Variants in ARHGAP42 observed in about 807,000 individuals in gnomAD.
ARHGAP42 encodes the protein rho GTPase-activating protein 42.
Under a neutral mutation model 125.0 loss-of-function variants are expected in ARHGAP42, and 63 were observed. The observed-to-expected ratio is 0.50, with a 90% CI of 0.41 to 0.62. ARHGAP42 has a LOEUF of 0.62. Among genes scored for constraint, ARHGAP42 ranks in the 20% least tolerant of loss-of-function variants. The pLI is 0.00. For missense variants in ARHGAP42, 766 were observed against 1,024.2 expected, an observed-to-expected ratio of 0.75 and a Z score of 3.44; for synonymous variants, 339 against 351.0, an observed-to-expected ratio of 0.97 and a Z score of 0.38.
rs17096007 is a variant in ARHGAP42, at chr11:100,972,673, A to G, written c.1551-502A>G. 7.9e-3 allele frequency among the ~76,000 whole-genome samples: 1,197 copies of G among 152,270 alleles called. 21 individuals are homozygous for G. The highest frequency in any genetic ancestry group is 0.027 in the African/African-American group (1,121 of 41,544). Reference sequence around the variant, plus strand: ...CCACCTCTGTCCTGAATTTGTTGTGACCTCAAAATACACGTTTCTTTAGGA... The same window carrying G: ...CCACCTCTGTCCTGAATTTGTTGTGGCCTCAAAATACACGTTTCTTTAGGA... On this transcript the variant is annotated intron_variant, in intron 17 of 23. Coordinates refer to ENST00000298815, the MANE Select transcript of ARHGAP42 (RefSeq NM_152432.4).
intron 17 of ARHGAP42, 124 bp downstream of exon 17, chr11:100,965,900 T>TA (rs770806607): frequency 2.4e-6 from 2 of 832,142 alleles, no homozygotes; most frequent in Non-Finnish European, 3.7e-6. Flanking sequence ...TGAATTTGCT[T>TA]AAAAAATAGT....
intron 12 of ARHGAP42, among the ~76,000 whole-genome samples, chr11:100,952,079 AT>A (rs1857668812): frequency 6.6e-6 from 1 of 152,154 alleles, no homozygotes; most frequent in Admixed American, 6.6e-5. Flanking sequence ...CTTAAGCTTT[AT>A]TTTTAAGTTT....
chr11:100,716,925 A>G (rs1223222810), intron 1 of ARHGAP42, among the ~76,000 whole-genome samples: 1 of 152,196 alleles, frequency 6.6e-6, no homozygotes, highest in Non-Finnish European at 1.5e-5. Context: ...AAGGAGGGCC[A>G]GAGAGGAAAA....
chr11:100,947,635 G>T (rs1384598450), intron 10 of ARHGAP42, among the ~76,000 whole-genome samples: 1 of 151,834 alleles, frequency 6.6e-6, no homozygotes, highest in African/African-American at 2.4e-5. Context: ...TCCAACATCA[G>T]ATTATCTTGA....
chr11:100,925,604 G>C (rs184766161), intron 6 of ARHGAP42, among the ~76,000 whole-genome samples: 4 of 151,322 alleles, frequency 2.6e-5, no homozygotes, highest in African/African-American at 9.8e-5. Context: ...CAGGCGTGGT[G>C]GTGGGTGCCT....
chr11:100,862,043 G>A (rs1034031926), intron 4 of ARHGAP42, among the ~76,000 whole-genome samples: 2 of 152,094 alleles, frequency 1.3e-5, no homozygotes, highest in African/African-American at 2.4e-5. Flanking sequence ...ACAAGAACAT[G>A]GTATCCTAGC....
intron 4 of ARHGAP42, among the ~76,000 whole-genome samples, chr11:100,873,886 A>C (rs964709287): frequency 6.6e-6 from 1 of 152,204 alleles, no homozygotes; most frequent in South Asian, 2.1e-4. Context: ...TATATTCATG[A>C]GGGCAGTCCA....
At chr11:100,701,665 C>T (rs965428472) in intron 1 of ARHGAP42, among the ~76,000 whole-genome samples, 2 of 152,200 alleles carry the variant, frequency 1.3e-5, no homozygotes, top group Admixed American at 1.3e-4. Context: ...TTATAGAAAT[C>T]ATAGAATTGA....
At chr11:100,693,056 G>A (rs766031818) in intron 1 of ARHGAP42, among the ~76,000 whole-genome samples, 7 of 152,114 alleles carry the variant, frequency 4.6e-5, no homozygotes, top group Non-Finnish European at 8.8e-5. Flanking sequence ...TACAAAATTT[G>A]AGACTTCCCA....
At chr11:100,854,269 A>G (rs1327665161) in intron 3 of ARHGAP42, among the ~76,000 whole-genome samples, 1 of 152,182 alleles carries the variant, frequency 6.6e-6, no homozygotes, top group African/African-American at 2.4e-5. Flanking sequence ...ATATATTTCC[A>G]TAGGAAAAGT....
intron 1 of ARHGAP42, among the ~76,000 whole-genome samples, chr11:100,757,132 G>T (rs1450466406): frequency 6.6e-6 from 1 of 152,156 alleles, no homozygotes; most frequent in Non-Finnish European, 1.5e-5. Context: ...ACTTTTTAAA[G>T]TGAGAAAATG....
At chr11:100,780,789 T>G (rs1189596458) in intron 2 of ARHGAP42, among the ~76,000 whole-genome samples, 15 of 152,258 alleles carry the variant, frequency 9.9e-5, no homozygotes, top group Admixed American at 9.8e-4. Flanking sequence ...AGTTTAAATT[T>G]TTTTTGGAGG....
At chr11:100,831,244 G>A (rs564867056) in intron 3 of ARHGAP42, among the ~76,000 whole-genome samples, 3 of 152,164 alleles carry the variant, frequency 2.0e-5, no homozygotes, top group African/African-American at 4.8e-5. Context: ...ACCTTGTAAA[G>A]GGTAGCTCAG....
chr11:100,784,296 G>C (rs1263421392), intron 2 of ARHGAP42, among the ~76,000 whole-genome samples: 13 of 152,144 alleles, frequency 8.5e-5, no homozygotes. Flanking sequence ...GCAGTTTGGA[G>C]TTTGGACCCT....
chr11:100,879,997 T>C (rs1865916576), intron 4 of ARHGAP42, among the ~76,000 whole-genome samples: 1 of 152,252 alleles, frequency 6.6e-6, no homozygotes, highest in Admixed American at 6.5e-5. Context: ...GCTATTCATA[T>C]GCCAATGTTC....
At chr11:100,793,278 T>G (rs1863616172) in intron 2 of ARHGAP42, among the ~76,000 whole-genome samples, 1 of 152,312 alleles carries the variant, frequency 6.6e-6, no homozygotes, top group South Asian at 2.1e-4. Context: ...TAATATGCTG[T>G]TATACACTCC....
chr11:100,847,469 T>G (rs1457459929), intron 3 of ARHGAP42, among the ~76,000 whole-genome samples: 1 of 152,164 alleles, frequency 6.6e-6, no homozygotes, highest in Non-Finnish European at 1.5e-5. Flanking sequence ...CCTTGGATAC[T>G]GGGCTAAAGG....
At chr11:100,730,640 TTG>T (rs1012447850) in intron 1 of ARHGAP42, among the ~76,000 whole-genome samples, 1 of 152,224 alleles carries the variant, frequency 6.6e-6, no homozygotes, top group African/African-American at 2.4e-5. Flanking sequence ...AAAATTTTAA[TTG>T]CATTTTTTCC....
intron 3 of ARHGAP42, among the ~76,000 whole-genome samples, chr11:100,821,260 A>G (rs902734629): frequency 6.6e-6 from 1 of 152,070 alleles, no homozygotes; most frequent in Non-Finnish European, 1.5e-5. Flanking sequence ...AAAGCAAGTA[A>G]ATTCTAGGGC....
Sources: allele counts gnomAD v4.1 joint callset (sites outside exome capture counted in the v4.1 genomes callset), GRCh38; gene constraint gnomAD v4.1.1; transcripts MANE v1.5; gene names NCBI Gene and HGNC (gene_info 2026-07-23, HGNC 2026-07-21).